VPS8: variants seen among roughly 807,000 people sequenced by gnomAD.
VPS8 encodes the protein vacuolar protein sorting-associated protein 8 homolog.
In VPS8, 129 loss-of-function variants were observed where a neutral mutation model predicts 216.4. The ratio of observed to expected loss-of-function variants is 0.60; its 90% CI spans 0.52 to 0.69. The LOEUF is 0.69. Ranked by LOEUF, VPS8 falls within the 30% of genes least tolerant of loss-of-function variation. The pLI is 0.00. For missense variants in VPS8, 1,531 were observed against 1,683.5 expected, an observed-to-expected ratio of 0.91 and a Z score of 1.59; for synonymous variants, 571 against 565.4, an observed-to-expected ratio of 1.01 and a Z score of -0.14.
intron 14 of VPS8, among the ~76,000 whole-genome samples, chr3:184,856,376 G>A (rs966137772): frequency 1.3e-5 from 2 of 152,196 alleles, no homozygotes; most frequent in Non-Finnish European, 2.9e-5. Context: ...GAGTATTAAT[G>A]GCTTTATGAA....
At chr3:184,837,234 A>G (rs1721269804) in intron 5 of VPS8, among the ~76,000 whole-genome samples, 1 of 152,210 alleles carries the variant, frequency 6.6e-6, no homozygotes, top group South Asian at 2.1e-4. Flanking sequence ...TTTTGAAGTC[A>G]GGTGACTTCT....
intron 22 of VPS8, 73 bp downstream of exon 22, chr3:184,886,229 G>A: frequency 7.5e-7 from 1 of 1,333,938 alleles, no homozygotes; most frequent in South Asian, 1.3e-5. Flanking sequence ...CCATTGCTAA[G>A]AATTCTATGA....
chr3:184,947,692 A>C (rs1560814540), intron 36 of VPS8, among the ~76,000 whole-genome samples: 2 of 152,186 alleles, frequency 1.3e-5, no homozygotes. Context: ...CAGTCAGCTG[A>C]GAAGATTTTT....
chr3:184,900,674 T>G (rs1224143207), intron 24 of VPS8, among the ~76,000 whole-genome samples: 1 of 152,192 alleles, frequency 6.6e-6, no homozygotes, highest in Admixed American at 6.5e-5. Flanking sequence ...AATTATAATC[T>G]CAGATAAGCC....
chr3:184,854,666 G>T (rs1724913665), intron 13 of VPS8, among the ~76,000 whole-genome samples: 1 of 152,184 alleles, frequency 6.6e-6, no homozygotes, highest in Non-Finnish European at 1.5e-5. Context: ...CTGCTGTGCT[G>T]AGACAGGCTT....
chr3:184,979,959 G>T (rs897347649), intron 40 of VPS8, among the ~76,000 whole-genome samples: 1 of 152,014 alleles, frequency 6.6e-6, no homozygotes, highest in Non-Finnish European at 1.5e-5. Context: ...TCCATGTTTC[G>T]CTTGAGGACC....
At chr3:184,862,842 A>G (rs1282682679) in intron 15 of VPS8, 55 bp from the exon 16 acceptor site, 1 of 1,558,240 alleles carries the variant, frequency 6.4e-7, no homozygotes, top group Non-Finnish European at 8.7e-7. Context: ...TTCTTGACCC[A>G]AATGATGAAG....
chr3:184,893,731 T>G (rs1281856223), intron 22 of VPS8, among the ~76,000 whole-genome samples: 1 of 152,196 alleles, frequency 6.6e-6, no homozygotes, highest in African/African-American at 2.4e-5. Flanking sequence ...TTGACTGATT[T>G]AGGAATTAAG....
intron 45 of VPS8, among the ~76,000 whole-genome samples, chr3:185,022,917 A>G (rs529444101): frequency 5.3e-5 from 8 of 152,300 alleles, no homozygotes; most frequent in East Asian, 1.9e-4. Context: ...TTATTTTCCA[A>G]TATAACATAT....
Position 185,052,022 on chromosome 3 carries a change from T to A in VPS8, c.4284T>A (p.Asp1428Glu), listed in dbSNP as rs763599769. ...LQLIPPPVTE[D>E] ...TCATTCCTCCACCTGTGACTGAGGA[T>A]TGATGACTCCATGGAGCCTGGCCCA... Residue 1428 changes from aspartate to glutamate, a missense_variant, in exon 48 of 48, where the codon GAT becomes GAA. This residue lies in a region of VPS8 where 1,318 missense variants were observed against 1,468.4 expected (regional missense o/e 0.90). Coordinates refer to ENST00000625842, the MANE Select transcript of VPS8 (RefSeq NM_001009921.3). 6.2e-7 allele frequency: 1 copy of A among 1,609,434 alleles called. No individual in the cohort carries two copies. Among genetic ancestry groups the A allele is most frequent in the Non-Finnish European group, 8.5e-7 (1 of 1,177,032 alleles).
Position 184,834,671 on chromosome 3 carries a change from T to C in VPS8, c.376T>C (p.Phe126Leu). 1.3e-6 allele frequency: 2 copies of C among 1,552,220 alleles called. No homozygotes were observed. Among genetic ancestry groups the C allele is most frequent in the Non-Finnish European group, 1.7e-6 (2 of 1,148,176 alleles). The change falls in exon 5 of 48, where the codon TTT becomes CTT. Residue 126 changes from phenylalanine (F) to leucine (L), a missense_variant. Transcript: ENST00000625842. ...CAGGAAGAAGAAATTACCTGATTCTTTTTCACTTCATGGATCAGTTATGCG... is the reference window on the plus strand; with the variant it reads ...CAGGAAGAAGAAATTACCTGATTCTCTTTCACTTCATGGATCAGTTATGCG... The part of the protein sequence containing the change: ...LKRKKKLPDS[F>L]SLHGSVMRHS...
At chr3:184,842,186 C>CAAAAA (rs71162267) in intron 7 of VPS8, among the ~76,000 whole-genome samples, 1,608 of 48,790 alleles carry the variant, frequency 0.033, 149 homozygotes, top group Non-Finnish European at 0.043. Flanking sequence ...GACTCCGTCT[C>CAAAAA]AAAAAAAAAA....
At chr3:185,029,857 C>A (rs1757872909) in intron 46 of VPS8, among the ~76,000 whole-genome samples, 1 of 152,218 alleles carries the variant, frequency 6.6e-6, no homozygotes, top group Non-Finnish European at 1.5e-5. Flanking sequence ...AGCTACCACG[C>A]CCTGCCCACA....
At chr3:184,863,164 C>T in intron 16 of VPS8, 97 bp downstream of exon 16, 1 of 1,445,470 alleles carries the variant, frequency 6.9e-7, no homozygotes, top group Non-Finnish European at 9.4e-7. Context: ...TGGGGAGTTA[C>T]CTTTTTCTGT....
intron 42 of VPS8, among the ~76,000 whole-genome samples, chr3:184,983,738 A>G (rs890914311): frequency 1.3e-5 from 2 of 152,050 alleles, no homozygotes; most frequent in African/African-American, 4.8e-5. Context: ...CATTTTGTCT[A>G]TCCTCACTTT....
rs547464357 is a variant in VPS8, at chr3:184,835,098, A to G, written c.447+356A>G. ...GTGCTTGTTTTTTTTTTCTCTTTTCATATGGAGAAATGATTGATCAGAATC... is the reference window on the plus strand; with the variant it reads ...GTGCTTGTTTTTTTTTTCTCTTTTCGTATGGAGAAATGATTGATCAGAATC... On this transcript the variant is annotated intron_variant, in intron 5 of 47. Coordinates refer to ENST00000625842, the MANE Select transcript of VPS8 (RefSeq NM_001009921.3). The G allele has an allele frequency of 3.0e-5, 5 of 167,584 alleles. No individual in the cohort carries two copies. In the South Asian group the frequency reaches 1.0e-3, roughly 34 times the overall value. The allele number at this position is 167,584 out of a possible 1,614,324, so 10.4% of individuals were successfully genotyped here.
chr3:184,929,736 AG>A, intron 33 of VPS8, 72 bp downstream of exon 33: 1 of 910,550 alleles, frequency 1.1e-6, no homozygotes, highest in Non-Finnish European at 1.6e-6. Context: ...ATAACTGTTG[AG>A]TAGAAATATT....
At chr3:184,960,093 G>GT (rs1432368174) in intron 37 of VPS8, among the ~76,000 whole-genome samples, 2 of 151,936 alleles carry the variant, frequency 1.3e-5, no homozygotes, top group Admixed American at 1.3e-4. Context: ...GCGGTGTTTG[G>GT]TTTTTTGTCC....
At chr3:185,013,336 G>T (rs781353109) in intron 45 of VPS8, among the ~76,000 whole-genome samples, 4 of 152,174 alleles carry the variant, frequency 2.6e-5, no homozygotes, top group Non-Finnish European at 5.9e-5. Flanking sequence ...AGGCAGCTTT[G>T]CATGGTGAGC....
Sources: gnomAD v4.1 joint callset for allele counts (sites outside exome capture counted in the v4.1 genomes callset) on GRCh38, gnomAD v4.1.1 for gene constraint, gnomAD v4.1.1 regional missense constraint, MANE v1.5 for transcripts, NCBI Gene and HGNC (gene_info 2026-07-23, HGNC 2026-07-21) for gene names.